Variants in SCARF1 observed in about 807,000 individuals in gnomAD.
SCARF1 encodes acetyl LDL receptor.
SCARF1 carries 49 observed loss-of-function variants against 76.3 expected under a neutral mutation model. The ratio of observed to expected loss-of-function variants is 0.64; its 90% CI spans 0.51 to 0.81. The LOEUF (loss-of-function observed/expected upper bound fraction) is 0.81, where lower values mean the gene tolerates loss of function less well. Ranked by LOEUF, SCARF1 falls within the 40% of genes least tolerant of loss-of-function variation. The pLI, the probability that SCARF1 is intolerant of heterozygous loss-of-function variation, is 0.00. For missense variants in SCARF1, 1,098 were observed against 1,143.9 expected (o/e 0.96, Z 0.58); for synonymous variants, 495 against 474.6 (o/e 1.04, Z -0.56).
intron 8 of SCARF1, 143 bp downstream of exon 8, chr17:1,638,663 A>G (rs1374696088): frequency 9.3e-7 from 1 of 1,080,494 alleles, no homozygotes; most frequent in African/African-American, 1.6e-5. Flanking sequence ...CGGGGGCGAC[A>G]AGGCCAGCCC....
Position 1,635,246 on chromosome 17 carries a change from T to G in SCARF1, c.2005A>C (p.Thr669Pro), listed in dbSNP as rs943832555. ...GHRRPPLGGR[T>P]VAEHVEAIEG... ...ATGGCTTCCACGTGCTCAGCCACTG[T>G]CCGGCCACCAAGTGGGGGCCGCCGG... is the stretch of plus-strand genomic sequence containing the variant. Residue 669 changes from threonine (T) to proline (P), a missense_variant, in exon 11 of 11, where the codon ACA (threonine) becomes CCA (proline). Thr to Pro is a conservative substitution (Grantham distance 38). Coordinates refer to ENST00000263071, the MANE Select transcript of SCARF1 (RefSeq NM_003693.4). 5 of 1,611,912 alleles carry G rather than the reference T, an allele frequency of 3.1e-6. No homozygotes were observed. The highest frequency in any genetic ancestry group is 3.4e-6 in the Non-Finnish European group (4 of 1,179,056).
At position 1,635,291 on chromosome 17, in the gene SCARF1, C is replaced by G. The variant is rs766299562; in HGVS notation, c.1960G>C (p.Gly654Arg). The change falls in exon 11 of 11, where the codon GGG becomes CGG. Residue 654 changes from glycine (G) to arginine (R), a missense_variant. Coordinates refer to ENST00000263071, the MANE Select transcript of SCARF1 (RefSeq NM_003693.4). Reference sequence around the variant, plus strand: ...CGCCGGTGGCCAGTGGCTGAATCCCCGGGACTGGCAGCCGCCGGAAAGGAC... The same window carrying G: ...CGCCGGTGGCCAGTGGCTGAATCCCGGGGACTGGCAGCCGCCGGAAAGGAC... ...PESFPAAASP[G>R]DSATGHRRPP... 1.2e-6 allele frequency: 2 copies of G among 1,612,176 alleles called. No homozygotes were observed. Among genetic ancestry groups the G allele is most frequent in the Non-Finnish European group, 1.7e-6 (2 of 1,179,278 alleles).
rs563123106 is a variant in SCARF1 at position 1,635,328 on chromosome 17, T to C, written c.1923A>G (p.Ala641=). The C allele has an allele frequency of 6.4e-5, 103 of 1,612,802 alleles. 2 individuals carry two copies. The South Asian group carries it at 1.0e-3, about 16-fold the overall frequency. The change falls in exon 11 of 11, where the codon GCA becomes GCG. Residue 641 remains alanine, a synonymous_variant. Transcript: ENST00000263071. ...CCGCCGGAAAGGACTCGGGGGCTTCTGCTTCCTCTGGGCCTGTGGACTCTT... is the reference window on the plus strand; with the variant it reads ...CCGCCGGAAAGGACTCGGGGGCTTCCGCTTCCTCTGGGCCTGTGGACTCTT... ...EAEESTGPEE[A]EAPESFPAAA... is the part of the protein sequence containing the mutation.
In SCARF1 at chr17:1,645,312, C is replaced by G. The variant is rs1171996849; in HGVS notation, c.102-73G>C. Reference sequence around the variant, plus strand: ...GGCCCTGAGGAAGGTGGATCACTGTCTCTGGCTGCAGTGGGGGAGGCTGCC... The same window carrying G: ...GGCCCTGAGGAAGGTGGATCACTGTGTCTGGCTGCAGTGGGGGAGGCTGCC... On this transcript the variant is annotated intron_variant, in intron 1 of 10. Transcript: ENST00000263071. The surrounding 1 kb of genome is among the most constrained non-coding windows in gnomAD (Gnocchi z 6.3). 4 of 1,570,560 alleles carry G rather than the reference C, an allele frequency of 2.5e-6. No individual in the cohort carries two copies. Among genetic ancestry groups the G allele is most frequent in the Non-Finnish European group, 3.5e-6 (4 of 1,153,586 alleles).
intron 4 of SCARF1, among the ~76,000 whole-genome samples, chr17:1,641,394 C>T (rs1436450571): frequency 6.6e-6 from 1 of 152,330 alleles, no homozygotes; most frequent in Non-Finnish European, 1.5e-5. Flanking sequence ...TGCGGGAAAG[C>T]AAGCTCAGGG....
Position 1,644,125 on chromosome 17 carries a change from A to C in SCARF1, c.266-158T>G. 1 of 508,224 alleles carries C rather than the reference A, an allele frequency of 2.0e-6. No homozygotes were observed. The highest frequency in any genetic ancestry group is 3.1e-6 in the Non-Finnish European group (1 of 324,736). 31.5% of individuals were successfully genotyped at this position (508,224 alleles called of 1,614,324 possible). A position where few individuals can be genotyped will look rare whatever the true frequency, so the allele number is the denominator to read the frequency against. Reference sequence around the variant, plus strand: ...CGGCAGCCTGTCCTGGGCAACACTCACTTCCTGCTCCGCTCTGACCTACAG... The same window carrying C: ...CGGCAGCCTGTCCTGGGCAACACTCCCTTCCTGCTCCGCTCTGACCTACAG... On this transcript the variant is annotated intron_variant, in intron 3 of 10. Transcript: ENST00000263071. The surrounding 1 kb of genome is among the most constrained non-coding windows in gnomAD (Gnocchi z 4.8).
intron 4 of SCARF1, among the ~76,000 whole-genome samples, chr17:1,642,748 T>C (rs1351209663): frequency 2.0e-5 from 3 of 152,228 alleles, no homozygotes; most frequent in Admixed American, 6.5e-5. Flanking sequence ...TCTTGCTCTC[T>C]GGCCCAGGCT....
chr17:1,643,052 A>C (rs1443174103), intron 4 of SCARF1, among the ~76,000 whole-genome samples: 2 of 151,996 alleles, frequency 1.3e-5, no homozygotes, highest in African/African-American at 4.8e-5. Context: ...TGAGAGGAGC[A>C]CCGCGAAGCC....
At position 1,634,692 on chromosome 17, in the gene SCARF1, G is replaced by A; in HGVS notation, c.*66C>T. On this transcript the variant is annotated 3_prime_UTR_variant, in exon 11 of 11. Coordinates refer to ENST00000263071, the MANE Select transcript of SCARF1 (RefSeq NM_003693.4). ...TCTGGTTTGTCTGTCCTGGCCCCGG[G>A]ATCATTTTCCAGCACACAGCACAGT... 6.7e-7 allele frequency: 1 copy of A among 1,502,398 alleles called. No individual in the cohort carries two copies. Among genetic ancestry groups the A allele is most frequent in the Non-Finnish European group, 8.9e-7 (1 of 1,124,346 alleles). The allele number at this position is 1,502,398 out of a possible 1,614,324, so 93.1% of individuals were successfully genotyped here. A position where few individuals can be genotyped will look rare whatever the true frequency, so the allele number is the denominator to read the frequency against.
Position 1,636,812 on chromosome 17 carries a change from G to C in SCARF1, c.1530C>G (p.Ile510Met). 4 of 1,613,774 alleles carry C rather than the reference G, an allele frequency of 2.5e-6. No individual in the cohort carries two copies. Among genetic ancestry groups the C allele is most frequent in the Non-Finnish European group, 3.4e-6 (4 of 1,179,900 alleles). The change falls in exon 10 of 11, where the codon ATC becomes ATG. Residue 510 changes from isoleucine (I) to methionine (M), a missense_variant. By Grantham distance (10) the Ile-to-Met change is conservative (BLOSUM62 1). Coordinates refer to ENST00000263071, the MANE Select transcript of SCARF1 (RefSeq NM_003693.4). ...DPEVPFNHSF[I>M]EPPSAGWATD... ...TGGCCCAGCCGGCAGAGGGCGGCTC[G>C]ATGAAGCTGTGGTTGAAGGGGACCT...
rs1204835753 is a variant in SCARF1 at position 1,643,777 on chromosome 17, G to A, written c.456C>T (p.Pro152=). 3.1e-6 allele frequency: 4 copies of A among 1,278,252 alleles called. No homozygotes were observed. Among genetic ancestry groups the A allele is most frequent in the African/African-American group, 1.6e-5 (1 of 64,258 alleles). The allele number at this position is 1,278,252 out of a possible 1,614,324, so 79.2% of individuals were successfully genotyped here. Residue 152 remains proline (P), a synonymous_variant, in exon 4 of 11, where the codon CCC becomes CCT. Transcript: ENST00000263071. The part of the protein sequence containing the change: ...DPATGVCHCE[P]GWWSSTCRRP... ...GGCGGCACGTGGACGACCACCAGCC[G>A]GGTTCGCAGTGGCACACGCCGGTCG...
At chr17:1,638,437 G>C (rs982794626) in intron 8 of SCARF1, 1 of 167,490 alleles carries the variant, frequency 6.0e-6, no homozygotes, top group African/African-American at 2.4e-5. Context: ...GGTCCCCGCC[G>C]GTGTCAGCTT....
intron 8 of SCARF1, among the ~76,000 whole-genome samples, chr17:1,637,660 C>CG (rs1909696558): frequency 6.6e-6 from 1 of 152,032 alleles, no homozygotes; most frequent in Non-Finnish European, 1.5e-5. Context: ...TTAGTAGAGA[C>CG]GGGGTTTCAC....
intron 4 of SCARF1, among the ~76,000 whole-genome samples, chr17:1,642,797 G>A (rs1290843972): frequency 6.6e-6 from 1 of 152,138 alleles, no homozygotes; most frequent in African/African-American, 2.4e-5. Context: ...TGCAACCTCC[G>A]CCTCCAGGGC....
rs1267885185 is a variant in SCARF1, at chr17:1,645,181, TG to T, written c.159del (p.Ile54SerfsTer17). The T allele has an allele frequency of 1.9e-6, 3 of 1,613,732 alleles. No homozygotes were observed. The highest frequency in any genetic ancestry group is 2.5e-6 in the Non-Finnish European group (3 of 1,179,986). ...AGWRQKDQEC[T>X]IPICEGPDAC... ...AGGGTCTGTCCTGGCTACTCACGGA[TG>T]GTGCATTCTTGATCCTTCTGCCTCC... is the stretch of plus-strand genomic sequence containing the variant. On this transcript the variant is annotated frameshift_variant, in exon 2 of 11. Transcript: ENST00000263071. LOFTEE classifies it high-confidence loss of function. This position sits in a 1 kb window ranked among gnomAD's most constrained non-coding sequence, Gnocchi z 6.3.
At chr17:1,642,868 A>C (rs996110239) in intron 4 of SCARF1, among the ~76,000 whole-genome samples, 5 of 151,924 alleles carry the variant, frequency 3.3e-5, no homozygotes, top group African/African-American at 7.3e-5. Flanking sequence ...AGCCCGGCTA[A>C]TTTTTGTGTT....
At position 1,643,948 on chromosome 17, in the gene SCARF1, C is replaced by A; in HGVS notation, c.285G>T (p.Trp95Cys). ...GGCAGCTCTCACGGCAGTCGGGGCC[C>A]CAGTACTGGCCCGGGCAGCCTGCGG... ...HCSSRCPGQY[W>C]GPDCRESCPC... is the part of the protein sequence containing the mutation. The change falls in exon 4 of 11, where the codon TGG (tryptophan) becomes TGT (cysteine). Residue 95 changes from tryptophan (W) to cysteine (C), a missense_variant. Coordinates refer to ENST00000263071, the MANE Select transcript of SCARF1 (RefSeq NM_003693.4). 7.4e-7 allele frequency: 1 copy of A among 1,344,538 alleles called. No homozygotes were observed. The highest frequency in any genetic ancestry group is 9.5e-7 in the Non-Finnish European group (1 of 1,050,816). 83.3% of individuals were successfully genotyped at this position (1,344,538 alleles called of 1,614,324 possible).
Position 1,640,681 on chromosome 17 carries a change from G to C in SCARF1, c.792-15C>G. 1 of 1,606,528 alleles carries C rather than the reference G, an allele frequency of 6.2e-7. No homozygotes were observed. On this transcript the variant is annotated splice_polypyrimidine_tract_variant and intron_variant, in intron 4 of 10. Transcript: ENST00000263071. The surrounding 1 kb of genome is among the most constrained non-coding windows in gnomAD (Gnocchi z 4.7). Reference sequence around the variant, plus strand: ...AGCGGCCACAGCTGGGAAGAGAAGGGCTTCGTGGGAACAGTGGGGGTGGAT... The same window carrying C: ...AGCGGCCACAGCTGGGAAGAGAAGGCCTTCGTGGGAACAGTGGGGGTGGAT...
Position 1,644,145 on chromosome 17 carries a change from C to G in SCARF1, c.266-178G>C. 1 of 444,748 alleles carries G rather than the reference C, an allele frequency of 2.2e-6. No homozygotes were observed. The highest frequency in any genetic ancestry group is 2.0e-5 in the African/African-American group (1 of 49,336). 27.6% of individuals were successfully genotyped at this position (444,748 alleles called of 1,614,324 possible). A position where few individuals can be genotyped will look rare whatever the true frequency, so the allele number is the denominator to read the frequency against. On this transcript the variant is annotated intron_variant, in intron 3 of 10. Transcript: ENST00000263071. The surrounding 1 kb of genome is among the most constrained non-coding windows in gnomAD (Gnocchi z 4.8). ...CACTCACTTCCTGCTCCGCTCTGACCTACAGAAAACCCTTAGCCATTAGTG... is the reference window on the plus strand; with the variant it reads ...CACTCACTTCCTGCTCCGCTCTGACGTACAGAAAACCCTTAGCCATTAGTG...
Sources: gnomAD v4.1 joint callset for allele counts (sites outside exome capture counted in the v4.1 genomes callset) on GRCh38, gnomAD v4.1.1 for gene constraint, Gnocchi (gnomAD v3.1) non-coding constraint, MANE v1.5 for transcripts, NCBI Gene and HGNC (gene_info 2026-07-23, HGNC 2026-07-21) for gene names.